Variants in ADARB2 observed in about 807,000 individuals in gnomAD.
The protein encoded by ADARB2 is adenosine deaminase RNA specific B2 (inactive), also known as inactive double-stranded RNA-specific editase B2.
Under a neutral mutation model 62.2 loss-of-function variants are expected in ADARB2, and 25 were observed. That is an observed-to-expected ratio of 0.40 (90% CI 0.29 to 0.56). The LOEUF (loss-of-function observed/expected upper bound fraction) is 0.56. Among genes scored for constraint, ADARB2 ranks in the 20% least tolerant of loss-of-function variants. The probability of loss-of-function intolerance (pLI) is 0.43; values close to 1 mark genes in which losing one functional copy is unlikely to be tolerated. For synonymous variants in ADARB2, 572 were observed against 500.8 expected, an observed-to-expected ratio of 1.14 and a Z score of -1.90; for missense variants, 1,071 against 1,077.4, an observed-to-expected ratio of 0.99 and a Z score of 0.08.
At chr10:1,295,174 T>G (rs913799677) in intron 3 of ADARB2, among the ~76,000 whole-genome samples, 1 of 152,180 alleles carries the variant, frequency 6.6e-6, no homozygotes, top group African/African-American at 2.4e-5. Flanking sequence ...GGTGCAGAGC[T>G]CGACATATGA....
intron 3 of ADARB2, among the ~76,000 whole-genome samples, chr10:1,347,863 A>T (rs1832094602): frequency 6.6e-6 from 1 of 152,090 alleles, no homozygotes; most frequent in African/African-American, 2.4e-5. Flanking sequence ...GAGAGGCAGT[A>T]AGAGATGGAG....
intron 3 of ADARB2, among the ~76,000 whole-genome samples, chr10:1,301,212 G>T (rs17156175): frequency 2.0e-5 from 3 of 152,170 alleles, no homozygotes; most frequent in Non-Finnish European, 2.9e-5. Context: ...GACTCTGTGC[G>T]TGCTAATTTT....
intron 1 of ADARB2, among the ~76,000 whole-genome samples, chr10:1,401,037 G>A (rs1449342209): frequency 6.6e-6 from 1 of 152,204 alleles, no homozygotes; most frequent in East Asian, 1.9e-4. Context: ...ACTGGAAAGA[G>A]CAAGCGCAGT....
In ADARB2 at chr10:1,178,120, C is replaced by G. The variant is rs1836613399; in HGVS notation, c.*5073G>C. ...GGAACCCAGCGGGGCTCCCCCAGCCCCAGCATGAACCTGTTGTGTGGATCC... is the reference window on the plus strand; with the variant it reads ...GGAACCCAGCGGGGCTCCCCCAGCCGCAGCATGAACCTGTTGTGTGGATCC... On this transcript the variant is annotated 3_prime_UTR_variant, in exon 10 of 10. Coordinates refer to ENST00000381312, the MANE Select transcript of ADARB2 (RefSeq NM_018702.4). 6.8e-6 allele frequency: 1 copy of G among 146,838 alleles called. No homozygotes were observed. Among genetic ancestry groups the G allele is most frequent in the East Asian group, 2.1e-4 (1 of 4,854 alleles). 9.1% of individuals were successfully genotyped at this position (146,838 alleles called of 1,614,324 possible). A position where few individuals can be genotyped will look rare whatever the true frequency, so the allele number is the denominator to read the frequency against.
intron 1 of ADARB2, among the ~76,000 whole-genome samples, chr10:1,569,306 C>A (rs1159496561): frequency 6.6e-6 from 1 of 151,924 alleles, no homozygotes; most frequent in East Asian, 1.9e-4. Context: ...CAGAATGTAC[C>A]CAGTGGCCTC....
chr10:1,670,771 TC>T (rs1471560488), intron 1 of ADARB2, among the ~76,000 whole-genome samples: 2 of 152,132 alleles, frequency 1.3e-5, no homozygotes, highest in Admixed American at 1.3e-4. Context: ...TCCTGAGCTG[TC>T]CAGCAGGTTT....
chr10:1,728,521 A>C (rs924326404), intron 1 of ADARB2, among the ~76,000 whole-genome samples: 1 of 152,144 alleles, frequency 6.6e-6, no homozygotes, highest in African/African-American at 2.4e-5. Context: ...CGTCGTGTGC[A>C]TATATTAGAC....
In ADARB2 at chr10:1,515,756, C is replaced by T. The variant is rs75848610; in HGVS notation, c.101-136596G>A. On this transcript the variant is annotated intron_variant, in intron 1 of 9. Transcript: ENST00000381312. Reference sequence around the variant, plus strand: ...GATCCCAAAGTGTTTCTTCCAGGCCCGGAAGGTGCAGGAAGCGGCCAGCCA... The same window carrying T: ...GATCCCAAAGTGTTTCTTCCAGGCCTGGAAGGTGCAGGAAGCGGCCAGCCA... Among the ~76,000 whole-genome samples, 33 of 152,306 alleles carry T rather than the reference C, an allele frequency of 2.2e-4. 2 individuals are homozygous for T. In the East Asian group the frequency reaches 5.6e-3, roughly 26 times the overall value.
intron 5 of ADARB2, among the ~76,000 whole-genome samples, chr10:1,235,098 C>T (rs116984468): frequency 4.6e-5 from 7 of 152,094 alleles, no homozygotes; most frequent in Non-Finnish European, 8.8e-5. Flanking sequence ...TCGCCCACAT[C>T]TATCTGTCTA....
At chr10:1,625,101 A>C (rs1440572974) in intron 1 of ADARB2, among the ~76,000 whole-genome samples, 1 of 152,214 alleles carries the variant, frequency 6.6e-6, no homozygotes, top group East Asian at 1.9e-4. Flanking sequence ...AGAATTGGCC[A>C]AACACCTCCA....
intron 1 of ADARB2, among the ~76,000 whole-genome samples, chr10:1,493,946 G>C (rs1831655799): frequency 6.6e-6 from 1 of 151,342 alleles, no homozygotes; most frequent in Non-Finnish European, 1.5e-5. Flanking sequence ...AGTAGAGATG[G>C]GGTTTCTCCA....
intron 1 of ADARB2, among the ~76,000 whole-genome samples, chr10:1,727,197 T>C (rs1835177910): frequency 6.6e-6 from 1 of 152,210 alleles, no homozygotes; most frequent in African/African-American, 2.4e-5. Context: ...ATCTCTATGC[T>C]GGTTTCTGGG....
intron 4 of ADARB2, among the ~76,000 whole-genome samples, chr10:1,259,655 T>A (rs1382766177): frequency 6.6e-6 from 1 of 152,182 alleles, no homozygotes; most frequent in Non-Finnish European, 1.5e-5. Flanking sequence ...GAGGCAATAA[T>A]TAATAGCTTA....
intron 1 of ADARB2, among the ~76,000 whole-genome samples, chr10:1,576,725 C>T (rs1588309149): frequency 6.6e-6 from 1 of 152,162 alleles, no homozygotes; most frequent in African/African-American, 2.4e-5. Context: ...TTTCCTGAAG[C>T]TTTGAGCCCT....
chr10:1,367,873 C>T (rs1396226227), intron 2 of ADARB2, among the ~76,000 whole-genome samples: 5 of 152,350 alleles, frequency 3.3e-5, no homozygotes, highest in African/African-American at 7.2e-5. Flanking sequence ...CAATGTCCTA[C>T]GACTCTCAGA....
intron 8 of ADARB2, among the ~76,000 whole-genome samples, chr10:1,192,352 T>C (rs1035577056): frequency 1.3e-5 from 2 of 152,224 alleles, no homozygotes; most frequent in Non-Finnish European, 2.9e-5. Flanking sequence ...GTTTTCTATA[T>C]GGCCAGACAC....
At chr10:1,319,046 G>A (rs930117053) in intron 3 of ADARB2, among the ~76,000 whole-genome samples, 1 of 152,210 alleles carries the variant, frequency 6.6e-6, no homozygotes, top group African/African-American at 2.4e-5. Flanking sequence ...GAGTAAGTGG[G>A]ACATGTGACC....
At position 1,626,619 on chromosome 10, in the gene ADARB2, GC is replaced by G. The variant is rs554730800; in HGVS notation, c.100+110431del. On this transcript the variant is annotated intron_variant, in intron 1 of 9. Coordinates refer to ENST00000381312, the MANE Select transcript of ADARB2 (RefSeq NM_018702.4). ...TGGCTCCTCTCAAACTCCCACGACG[GC>G]CTGTCCTCAGTGATATTTCCGGGCT... 2.4e-4 allele frequency among the ~76,000 whole-genome samples: 36 copies of G among 152,206 alleles called. No homozygotes were observed. In the South Asian group the frequency reaches 7.3e-3, roughly 31 times the overall value.
intron 1 of ADARB2, chr10:1,675,916 C>G: frequency 1.2e-6 from 1 of 845,994 alleles, no homozygotes; most frequent in Non-Finnish European, 1.4e-6. Context: ...TGCAGAGGTC[C>G]GCGTGGGTCA....
Sources: allele counts gnomAD v4.1 joint callset (sites outside exome capture counted in the v4.1 genomes callset), GRCh38; gene constraint gnomAD v4.1.1; transcripts MANE v1.5; gene names NCBI Gene and HGNC (gene_info 2026-07-23, HGNC 2026-07-21).